Variants in YTHDF3 observed in about 807,000 individuals in gnomAD.
YTHDF3 encodes the protein YTH domain-containing family protein 3.
In YTHDF3, 9 loss-of-function variants were observed where a neutral mutation model predicts 52.5. The ratio of observed to expected loss-of-function variants is 0.17; its 90% CI spans 0.10 to 0.30. The LOEUF (loss-of-function observed/expected upper bound fraction) is 0.30. YTHDF3 is among the 10% of genes least tolerant of loss of function. The pLI, the probability that YTHDF3 is intolerant of heterozygous loss-of-function variation, is 1.00. For synonymous variants in YTHDF3, 274 were observed against 243.3 expected (o/e 1.13, Z -1.18); for missense variants, 534 against 715.0 (o/e 0.75, Z 2.89).
Position 63,210,896 on chromosome 8 carries a change from TAATTA to T in YTHDF3, c.*1194_*1198del, listed in dbSNP as rs1197930644. The T allele has an allele frequency of 2.0e-5, 3 of 152,610 alleles. No individual in the cohort carries two copies. The highest frequency in any genetic ancestry group is 4.8e-5 in the African/African-American group (2 of 41,456). The allele number at this position is 152,610 out of a possible 1,614,324, so 9.5% of individuals were successfully genotyped here. ...TATCTTGAAGCAAATTGATTTTGTA[TAATTA>T]AATGTGTCAAGCATCTGTATTAATT... On this transcript the variant is annotated 3_prime_UTR_variant, in exon 5 of 5. Coordinates refer to ENST00000539294, the MANE Select transcript of YTHDF3 (RefSeq NM_152758.6).
intron 2 of YTHDF3, chr8:63,173,565 C>G: frequency 1.4e-6 from 1 of 711,784 alleles, no homozygotes; most frequent in Non-Finnish European, 1.7e-6. Context: ...TTAGCTGTTT[C>G]AAATACTGAC....
In YTHDF3 at chr8:63,187,403, C is replaced by A. The variant is rs1808594850; in HGVS notation, c.1392C>A (p.Leu464=). The stretch of plus-strand genomic sequence containing the variant: ...ATGGGAAAGGCCCACTCTATTTACT[C>A]TTCAGTGTGAATGGCAGTGGACATT... ...SLNGKGPLYL[L]FSVNGSGHFC... is the part of the protein sequence containing the mutation. Residue 464 remains leucine, a synonymous_variant, in exon 4 of 5, where the codon CTC becomes CTA. Transcript: ENST00000539294. 6.2e-7 allele frequency: 1 copy of A among 1,613,886 alleles called. No individual in the cohort carries two copies. Among genetic ancestry groups the A allele is most frequent in the African/African-American group, 1.3e-5 (1 of 74,904 alleles).
At chr8:63,198,959 T>G (rs1171037479) in intron 4 of YTHDF3, among the ~76,000 whole-genome samples, 2 of 151,716 alleles carry the variant, frequency 1.3e-5, no homozygotes, top group Non-Finnish European at 2.9e-5. Context: ...TTATGTAACA[T>G]ATTTAATTAA....
rs1810323516 is a variant in YTHDF3 at position 63,210,662 on chromosome 8, T to C, written c.*956T>C. ...AAGCATATGTTGTTCCTCAGCTCTT[T>C]TCTCCAGCTTTTGCAGTGTCCTGGC... is the stretch of plus-strand genomic sequence containing the variant. On this transcript the variant is annotated 3_prime_UTR_variant, in exon 5 of 5. Coordinates refer to ENST00000539294, the MANE Select transcript of YTHDF3 (RefSeq NM_152758.6). 6.6e-6 allele frequency: 1 copy of C among 152,618 alleles called. No individual in the cohort carries two copies. Among genetic ancestry groups the C allele is most frequent in the Non-Finnish European group, 1.5e-5 (1 of 68,008 alleles). The allele number at this position is 152,618 out of a possible 1,614,324, so 9.5% of individuals were successfully genotyped here.
intron 4 of YTHDF3, among the ~76,000 whole-genome samples, chr8:63,202,048 C>T (rs189920478): frequency 6.6e-6 from 1 of 152,126 alleles, no homozygotes; most frequent in African/African-American, 2.4e-5. Flanking sequence ...ATAAAGGGTA[C>T]CGTAAGCCAC....
At chr8:63,201,269 A>C (rs999985997) in intron 4 of YTHDF3, among the ~76,000 whole-genome samples, 2 of 152,174 alleles carry the variant, frequency 1.3e-5, no homozygotes, top group Admixed American at 6.5e-5. Context: ...CATGCCTGTG[A>C]TCCCAGGAAT....
In YTHDF3 at chr8:63,173,579, C is replaced by CA. The variant is rs903773155; in HGVS notation, c.50-1751dup. 13 of 794,848 alleles carry CA rather than the reference C, an allele frequency of 1.6e-5. No homozygotes were observed. In the Admixed American group the frequency reaches 3.1e-4, roughly 19 times the overall value. The allele number at this position is 794,848 out of a possible 1,614,324, so 49.2% of individuals were successfully genotyped here. On this transcript the variant is annotated intron_variant, in intron 2 of 4. Coordinates refer to ENST00000539294, the MANE Select transcript of YTHDF3 (RefSeq NM_152758.6). Reference sequence around the variant, plus strand: ...GTTAGCTGTTTCAAATACTGACTAACATGTATGAGTGTAATAGTGAAGAAT... The same window carrying CA: ...GTTAGCTGTTTCAAATACTGACTAACAATGTATGAGTGTAATAGTGAAGAAT...
chr8:63,180,474 C>T (rs889663131), intron 3 of YTHDF3, among the ~76,000 whole-genome samples: 1 of 151,250 alleles, frequency 6.6e-6, no homozygotes, highest in African/African-American at 2.4e-5. Flanking sequence ...GGCAGAGACG[C>T]TCCTCACTTT....
At chr8:63,179,312 C>A (rs1199628315) in intron 3 of YTHDF3, among the ~76,000 whole-genome samples, 4 of 151,810 alleles carry the variant, frequency 2.6e-5, no homozygotes, top group African/African-American at 9.7e-5. Context: ...GGAAGGTCAG[C>A]AGATAAACAA....
intron 4 of YTHDF3, among the ~76,000 whole-genome samples, chr8:63,203,711 T>G (rs887229779): frequency 6.6e-6 from 1 of 152,208 alleles, no homozygotes; most frequent in African/African-American, 2.4e-5. Context: ...TGCATTTAGT[T>G]GTCATGTCTC....
At chr8:63,189,815 G>A (rs1808800584) in intron 4 of YTHDF3, among the ~76,000 whole-genome samples, 1 of 152,170 alleles carries the variant, frequency 6.6e-6, no homozygotes, top group Non-Finnish European at 1.5e-5. Flanking sequence ...GTTATTGATT[G>A]CTGTGTTGGA....
chr8:63,168,973 C>T lies in YTHDF3; in HGVS notation c.24+72C>T, dbSNP rs1265498450. ...GCTCCACCCTCGCGCGGGGCTTCGGCTCCTCCCCGTCGCCGCCGCTGCCGG... is the reference window on the plus strand; with the variant it reads ...GCTCCACCCTCGCGCGGGGCTTCGGTTCCTCCCCGTCGCCGCCGCTGCCGG... On this transcript the variant is annotated intron_variant, in intron 1 of 4. Transcript: ENST00000539294. 2.0e-6 allele frequency: 3 copies of T among 1,525,344 alleles called. No homozygotes were observed. In the Admixed American group the frequency reaches 6.5e-5, roughly 33 times the overall value. The allele number at this position is 1,525,344 out of a possible 1,614,324, so 94.5% of individuals were successfully genotyped here. A position where few individuals can be genotyped will look rare whatever the true frequency, so the allele number is the denominator to read the frequency against.
Position 63,187,724 on chromosome 8 carries a change from AGAG to A in YTHDF3, c.1719_1721del (p.Glu574del), listed in dbSNP as rs753684267. 4 of 1,608,722 alleles carry A rather than the reference AGAG, an allele frequency of 2.5e-6. No homozygotes were observed. Among genetic ancestry groups the A allele is most frequent in the African/African-American group, 1.3e-5 (1 of 74,784 alleles). ...TTGCACATTATGAAAAGCGTCAAGA[AGAG>A]GAGGAAGCCATGCGTAGGGTAAGAA... is the stretch of plus-strand genomic sequence containing the variant. On this transcript the variant is annotated inframe_deletion, in exon 4 of 5. Coordinates refer to ENST00000539294, the MANE Select transcript of YTHDF3 (RefSeq NM_152758.6).
intron 2 of YTHDF3, among the ~76,000 whole-genome samples, chr8:63,173,202 T>TTATATATATATATATATATATATATGTA: frequency 7.9e-6 from 1 of 125,918 alleles, no homozygotes; most frequent in East Asian, 2.7e-4. Flanking sequence ...AGGATTATAT[T>TTATATATATATATATATATATATATGTA]TATATATATA....
At chr8:63,191,649 C>A (rs1207833036) in intron 4 of YTHDF3, among the ~76,000 whole-genome samples, 5 of 152,052 alleles carry the variant, frequency 3.3e-5, no homozygotes, top group Non-Finnish European at 7.4e-5. Context: ...CTTGACCAGC[C>A]AGTTTATAGT....
intron 4 of YTHDF3, among the ~76,000 whole-genome samples, chr8:63,204,695 T>G (rs1182287952): frequency 6.6e-6 from 1 of 152,166 alleles, no homozygotes; most frequent in South Asian, 2.1e-4. Context: ...AGTGTCTGAT[T>G]GCTTCTTTTT....
chr8:63,182,955 C>CTTTTTTTTTTTTTTTTT (rs11381385), intron 3 of YTHDF3, among the ~76,000 whole-genome samples: 5 of 143,622 alleles, frequency 3.5e-5, no homozygotes, highest in Non-Finnish European at 4.5e-5. Context: ...ACAGTTTTAT[C>CTTTTTTTTTTTTTTTTT]TTTTTTTTTT....
In YTHDF3 at chr8:63,186,737, C is replaced by A. The variant is rs1808531996; in HGVS notation, c.726C>A (p.Ala242=). The A allele has an allele frequency of 1.9e-6, 3 of 1,613,818 alleles. No individual in the cohort carries two copies. In the South Asian group the frequency reaches 3.3e-5, roughly 18 times the overall value. Reference sequence around the variant, plus strand: ...AACCAACCTCCTGGGCTGCCATTGCCAGAAAGCCTGCCAAACCTCAACCGA... The same window carrying A: ...AACCAACCTCCTGGGCTGCCATTGCAAGAAAGCCTGCCAAACCTCAACCGA... The part of the protein sequence containing the change: ...APKPTSWAAI[A]RKPAKPQPKL... Residue 242 remains alanine, a synonymous_variant, in exon 4 of 5, where the codon GCC becomes GCA. Transcript: ENST00000539294.
intron 4 of YTHDF3, 83 bp from the exon 5 acceptor site, chr8:63,209,595 CATTAT>C (rs1303060096): frequency 7.9e-7 from 1 of 1,259,444 alleles, no homozygotes; most frequent in Non-Finnish European, 1.1e-6. Context: ...AGATGATTTA[CATTAT>C]ATGTGCATAT....
Sources: allele counts gnomAD v4.1 joint callset (sites outside exome capture counted in the v4.1 genomes callset), GRCh38; gene constraint gnomAD v4.1.1; transcripts MANE v1.5; gene names NCBI Gene and HGNC (gene_info 2026-07-23, HGNC 2026-07-21).